Variants in INTS5 observed in about 807,000 individuals in gnomAD.
INTS5 encodes KIAA1698.
In INTS5, 29 loss-of-function variants were observed where a neutral mutation model predicts 60.0. That is an observed-to-expected ratio of 0.48 (90% CI 0.36 to 0.66). INTS5 has a LOEUF of 0.66. INTS5 is among the 30% of genes least tolerant of loss of function. The probability of loss-of-function intolerance (pLI) is 0.00; values close to 1 mark genes in which losing one functional copy is unlikely to be tolerated. For synonymous variants in INTS5, 588 were observed against 558.8 expected, an observed-to-expected ratio of 1.05 and a Z score of -0.74; for missense variants, 1,129 against 1,307.9, an observed-to-expected ratio of 0.86 and a Z score of 2.11.
In INTS5 at chr11:62,649,988, A is replaced by G; in HGVS notation, c.92T>C (p.Leu31Pro). Residue 31 changes from leucine to proline, a missense_variant, in exon 2 of 2, where the codon CTG becomes CCG. Coordinates refer to ENST00000330574, the MANE Select transcript of INTS5 (RefSeq NM_030628.2). This position sits in a 1 kb window ranked among gnomAD's most constrained non-coding sequence, Gnocchi z 6.0. ...CAGAAAAGCCTTGATTTCCTGGGAC[A>G]GCTCCTGAGCACTACAAGGAAGCAA... ...HGPAPLSAQELSQEIKAFLTG... is the reference protein window; with the variant it reads ...HGPAPLSAQEPSQEIKAFLTG... The G allele has an allele frequency of 6.2e-7, 1 of 1,613,892 alleles. No individual in the cohort carries two copies. The highest frequency in any genetic ancestry group is 1.1e-5 in the South Asian group (1 of 91,088).
Position 62,648,159 on chromosome 11 carries a change from G to C in INTS5, c.1921C>G (p.Pro641Ala). 1.9e-6 allele frequency: 3 copies of C among 1,613,350 alleles called. No homozygotes were observed. The South Asian group carries it at 3.3e-5, about 18-fold the overall frequency. ...ICPFPSEALS[P>A]SQLLGLVRAG... is the part of the protein sequence containing the mutation. ...CTTACCAGTCCCAGGAGCTGGGAGGGGGATAAGGCTTCAGAAGGAAAGGGA... is the reference window on the plus strand; with the variant it reads ...CTTACCAGTCCCAGGAGCTGGGAGGCGGATAAGGCTTCAGAAGGAAAGGGA... The change falls in exon 2 of 2, where the codon CCC (proline) becomes GCC (alanine). Residue 641 changes from proline (P) to alanine (A), a missense_variant. Pro to Ala is a conservative substitution (Grantham distance 27). Coordinates refer to ENST00000330574, the MANE Select transcript of INTS5 (RefSeq NM_030628.2). The surrounding 1 kb of genome is among the most constrained non-coding windows in gnomAD (Gnocchi z 4.4).
Position 62,649,671 on chromosome 11 carries a change from G to C in INTS5, c.409C>G (p.Pro137Ala). 6.2e-7 allele frequency: 1 copy of C among 1,614,198 alleles called. No individual in the cohort carries two copies. ...QVLSEFIRAN[P>A]KAWAPVISAW... ...CTAATCACAGGTGCCCAGGCCTTTG[G>C]GTTGGCCCGGATAAACTCAGACAGC... The change falls in exon 2 of 2, where the codon CCA (proline) becomes GCA (alanine). Residue 137 changes from proline to alanine, a missense_variant. Around this residue, in one of 3 missense-constraint regions of INTS5, gnomAD observed 1,070 missense variants for 1,246.1 expected, o/e 0.86. Coordinates refer to ENST00000330574, the MANE Select transcript of INTS5 (RefSeq NM_030628.2). The surrounding 1 kb of genome is among the most constrained non-coding windows in gnomAD (Gnocchi z 6.0).
At chr11:62,652,126 C>T (rs1332973260) in intron 1 of INTS5, among the ~76,000 whole-genome samples, 3 of 150,510 alleles carry the variant, frequency 2.0e-5, no homozygotes, top group Non-Finnish European at 4.4e-5. Flanking sequence ...TCGAAACCAG[C>T]CTGGCCAACA....
rs138916798 is a variant in INTS5, at chr11:62,649,743, C to T, written c.337G>A (p.Ala113Thr). 9 of 1,614,086 alleles carry T rather than the reference C, an allele frequency of 5.6e-6. No homozygotes were observed. Among genetic ancestry groups the T allele is most frequent in the African/African-American group, 1.3e-5 (1 of 74,924 alleles). Residue 113 changes from alanine to threonine, a missense_variant, in exon 2 of 2, where the codon GCT (alanine) becomes ACT (threonine). Coordinates refer to ENST00000330574, the MANE Select transcript of INTS5 (RefSeq NM_030628.2). The surrounding 1 kb of genome is among the most constrained non-coding windows in gnomAD (Gnocchi z 6.0). ...ACATCCTCTAGACCAGGTCCACCAGCAGGGACATGAGAGGGTGGAGGTGGA... is the reference window on the plus strand; with the variant it reads ...ACATCCTCTAGACCAGGTCCACCAGTAGGGACATGAGAGGGTGGAGGTGGA... ...LRPPPPSHVP[A>T]GGPGLEDVVQ...
chr11:62,650,263 C>G (rs1944583408), intron 1 of INTS5, among the ~76,000 whole-genome samples: 1 of 148,560 alleles, frequency 6.7e-6, no homozygotes, highest in Non-Finnish European at 1.5e-5. Flanking sequence ...ACTACAGGCA[C>G]CCGCCACCAT....
In INTS5 at chr11:62,646,936, G is replaced by C; in HGVS notation, c.*84C>G. On this transcript the variant is annotated 3_prime_UTR_variant, in exon 2 of 2. Transcript: ENST00000330574. ...CGCTCTTTAGACCAAGGACTTAGAA[G>C]AGAAACCTCCACCCTTCCGGAGCAC... The C allele has an allele frequency of 8.6e-7, 1 of 1,159,056 alleles. No individual in the cohort carries two copies. Among genetic ancestry groups the C allele is most frequent in the Admixed American group, 2.3e-5 (1 of 43,136 alleles). 71.8% of individuals were successfully genotyped at this position (1,159,056 alleles called of 1,614,324 possible). A position where few individuals can be genotyped will look rare whatever the true frequency, so the allele number is the denominator to read the frequency against.
At position 62,648,516 on chromosome 11, in the gene INTS5, G is replaced by A. The variant is rs370824023; in HGVS notation, c.1564C>T (p.Leu522=). Residue 522 remains leucine (L), a synonymous_variant, in exon 2 of 2, where the codon CTG becomes TTG. Transcript: ENST00000330574. The surrounding 1 kb of genome is among the most constrained non-coding windows in gnomAD (Gnocchi z 4.4). The part of the protein sequence containing the change: ...PSCGPEALGH[L]LSRARSPEEL... ...TCAGGGCTTCGGGCTCGGCTCAGCA[G>A]ATGGCCCAAGGCCTCAGGTCCACAG... The A allele has an allele frequency of 3.3e-4, 526 of 1,614,224 alleles. 4 individuals carry two copies. The South Asian group carries it at 4.0e-3, about 12-fold the overall frequency.
Position 62,648,456 on chromosome 11 carries a change from G to A in INTS5, c.1624C>T (p.Leu542=), listed in dbSNP as rs754077960. The A allele has an allele frequency of 6.8e-6, 11 of 1,614,182 alleles. No individual in the cohort carries two copies. The highest frequency in any genetic ancestry group is 3.3e-4 in the Middle Eastern group (2 of 6,062). Residue 542 remains leucine, a synonymous_variant, in exon 2 of 2, where the codon CTA becomes TTA. Coordinates refer to ENST00000330574, the MANE Select transcript of INTS5 (RefSeq NM_030628.2). The surrounding 1 kb of genome is among the most constrained non-coding windows in gnomAD (Gnocchi z 4.4). ...LSLATQLYAG[L]VVSLSGLLPL... is the part of the protein sequence containing the mutation. ...AGGAGGCCAGAGAGGCTGACCACTAGCCCTGCATATAACTGGGTGGCCAAA... is the reference window on the plus strand; with the variant it reads ...AGGAGGCCAGAGAGGCTGACCACTAACCCTGCATATAACTGGGTGGCCAAA...
In INTS5 at chr11:62,649,604, T is replaced by G; in HGVS notation, c.476A>C (p.Tyr159Ser). The change falls in exon 2 of 2, where the codon TAC becomes TCC. Residue 159 changes from tyrosine to serine, a missense_variant. Coordinates refer to ENST00000330574, the MANE Select transcript of INTS5 (RefSeq NM_030628.2). This position sits in a 1 kb window ranked among gnomAD's most constrained non-coding sequence, Gnocchi z 6.0. Reference protein sequence around the residue: ...IDLMGQLSSTYSGQHQRVPHA... With the variant: ...IDLMGQLSSTSSGQHQRVPHA... Reference sequence around the variant, plus strand: ...GGGAACACGCTGGTGCTGGCCTGAGTACGTGCTGCTCAGTTGCCCCATGAG... The same window carrying G: ...GGGAACACGCTGGTGCTGGCCTGAGGACGTGCTGCTCAGTTGCCCCATGAG... 1.2e-6 allele frequency: 2 copies of G among 1,614,088 alleles called. No individual in the cohort carries two copies. The highest frequency in any genetic ancestry group is 1.7e-6 in the Non-Finnish European group (2 of 1,180,008).
At position 62,648,136 on chromosome 11, in the gene INTS5, T is replaced by TA; in HGVS notation, c.1943dup (p.Arg649LysfsTer46). On this transcript the variant is annotated frameshift_variant, in exon 2 of 2. Transcript: ENST00000330574. LOFTEE classifies it high-confidence loss of function. The surrounding 1 kb of genome is among the most constrained non-coding windows in gnomAD (Gnocchi z 4.4). ...CAAAGAAGCGGTGCACCCCAGCCCTTACCAGTCCCAGGAGCTGGGAGGGGG... is the reference window on the plus strand; with the variant it reads ...CAAAGAAGCGGTGCACCCCAGCCCTTAACCAGTCCCAGGAGCTGGGAGGGGG... The TA allele has an allele frequency of 1.2e-6, 2 of 1,613,654 alleles. No homozygotes were observed. The highest frequency in any genetic ancestry group is 1.7e-6 in the Non-Finnish European group (2 of 1,179,644).
Position 62,647,709 on chromosome 11 carries a change from C to T in INTS5, c.2371G>A (p.Gly791Arg). Residue 791 changes from glycine (G) to arginine (R), a missense_variant, in exon 2 of 2, where the codon GGG becomes AGG. Physicochemically the swap from Gly to Arg is moderately radical, Grantham distance 125. This residue lies in a region of INTS5 where 1,070 missense variants were observed against 1,246.1 expected (regional missense o/e 0.86). Transcript: ENST00000330574. The stretch of plus-strand genomic sequence containing the variant: ...CAGCATTCCCCACATTCAGTGCCCC[C>T]TGGGGCACTGCAGCAGTGAACCAGG... ...SLLVHCCSAP[G>R]GTECGECWGA... The T allele has an allele frequency of 6.2e-7, 1 of 1,614,010 alleles. No individual in the cohort carries two copies. The highest frequency in any genetic ancestry group is 8.5e-7 in the Non-Finnish European group (1 of 1,179,888).
chr11:62,651,541 G>A (rs374099253), intron 1 of INTS5, among the ~76,000 whole-genome samples: 8 of 152,224 alleles, frequency 5.3e-5, no homozygotes, highest in African/African-American at 1.7e-4. Context: ...CAATAAGTTA[G>A]GTACTATTAT....
chr11:62,653,246 A>C lies in INTS5; in HGVS notation c.4T>G (p.Ser2Ala). 1 of 1,243,534 alleles carries C rather than the reference A, an allele frequency of 8.0e-7. No individual in the cohort carries two copies. The highest frequency in any genetic ancestry group is 1.5e-5 in the African/African-American group (1 of 64,532). 77.0% of individuals were successfully genotyped at this position (1,243,534 alleles called of 1,614,324 possible). Residue 2 changes from serine to alanine, a missense_variant, in exon 1 of 2, where the codon TCC becomes GCC. By Grantham distance (99) the Ser-to-Ala change is moderately conservative. This residue lies in a region of INTS5 where 54 missense variants were observed against 43.1 expected (regional missense o/e 1.25). Transcript: ENST00000330574. ...GCCCCGGGAGGGTCGCACAGCGCGG[A>C]CATCCCGGAGCCCGAGCCGAGCCCG... MSALCDPPGAPG... is the reference protein window; with the variant it reads MAALCDPPGAPG...
At position 62,653,254 on chromosome 11, in the gene INTS5, G is replaced by C. The variant is rs1490796425; in HGVS notation, c.-5C>G. ...AGGGTCGCACAGCGCGGACATCCCG[G>C]AGCCCGAGCCGAGCCCGAGGCGCGA... On this transcript the variant is annotated 5_prime_UTR_variant, in exon 1 of 2. Coordinates refer to ENST00000330574, the MANE Select transcript of INTS5 (RefSeq NM_030628.2). The C allele has an allele frequency of 1.6e-6, 2 of 1,242,222 alleles. No homozygotes were observed. The highest frequency in any genetic ancestry group is 2.9e-4 in the Middle Eastern group (1 of 3,500). 76.9% of individuals were successfully genotyped at this position (1,242,222 alleles called of 1,614,324 possible).
Position 62,646,904 on chromosome 11 carries a change from G to A in INTS5, c.*116C>T, listed in dbSNP as rs780595139. 3.2e-6 allele frequency: 3 copies of A among 944,372 alleles called. No homozygotes were observed. The highest frequency in any genetic ancestry group is 4.8e-6 in the Non-Finnish European group (3 of 630,132). 58.5% of individuals were successfully genotyped at this position (944,372 alleles called of 1,614,324 possible). Reference sequence around the variant, plus strand: ...AAAAAAAAAAGTGGGAGAGAAAAAAGTGACAGCGCTCTTTAGACCAAGGAC... The same window carrying A: ...AAAAAAAAAAGTGGGAGAGAAAAAAATGACAGCGCTCTTTAGACCAAGGAC... On this transcript the variant is annotated 3_prime_UTR_variant, in exon 2 of 2. Transcript: ENST00000330574.
In INTS5 at chr11:62,648,862, C is replaced by T. The variant is rs777428024; in HGVS notation, c.1218G>A (p.Leu406=). ...TAGCTGTGTCCACCAGGAACTGCAG[C>T]AAGCGGTAGGCACCTGCCCCAGAGG... The part of the protein sequence containing the change: ...SQASGAGAYR[L]LQFLVDTAMP... The change falls in exon 2 of 2, where the codon TTG becomes TTA. Residue 406 remains leucine (L), a synonymous_variant. Coordinates refer to ENST00000330574, the MANE Select transcript of INTS5 (RefSeq NM_030628.2). This position sits in a 1 kb window ranked among gnomAD's most constrained non-coding sequence, Gnocchi z 4.4. 5.6e-6 allele frequency: 9 copies of T among 1,613,956 alleles called. No individual in the cohort carries two copies. Among genetic ancestry groups the T allele is most frequent in the Non-Finnish European group, 7.6e-6 (9 of 1,180,036 alleles).
intron 1 of INTS5, among the ~76,000 whole-genome samples, chr11:62,652,459 C>G (rs185617212): frequency 1.3e-5 from 2 of 150,640 alleles, no homozygotes; most frequent in East Asian, 4.0e-4. Context: ...TAAGGGCTCT[C>G]CCTCCTAACA....
chr11:62,649,645 A>T lies in INTS5; in HGVS notation c.435T>A (p.Ser145Arg), dbSNP rs1420288288. The T allele has an allele frequency of 6.2e-7, 1 of 1,614,098 alleles. No individual in the cohort carries two copies. Among genetic ancestry groups the T allele is most frequent in the Non-Finnish European group, 8.5e-7 (1 of 1,180,044 alleles). Residue 145 changes from serine (S) to arginine (R), a missense_variant, in exon 2 of 2, where the codon AGT (serine) becomes AGA (arginine). Coordinates refer to ENST00000330574, the MANE Select transcript of INTS5 (RefSeq NM_030628.2). The surrounding 1 kb of genome is among the most constrained non-coding windows in gnomAD (Gnocchi z 6.0). Reference protein sequence around the residue: ...ANPKAWAPVISAWSIDLMGQL... With the variant: ...ANPKAWAPVIRAWSIDLMGQL... ...GCCCCATGAGGTCAATGGACCATGCACTAATCACAGGTGCCCAGGCCTTTG... is the reference window on the plus strand; with the variant it reads ...GCCCCATGAGGTCAATGGACCATGCTCTAATCACAGGTGCCCAGGCCTTTG...
rs111683552 is a variant in INTS5 at position 62,648,273 on chromosome 11, C to T, written c.1807G>A (p.Ala603Thr). 5.6e-6 allele frequency: 9 copies of T among 1,613,696 alleles called. No homozygotes were observed. Among genetic ancestry groups the T allele is most frequent in the Non-Finnish European group, 7.6e-6 (9 of 1,180,038 alleles). Residue 603 changes from alanine (A) to threonine (T), a missense_variant, in exon 2 of 2, where the codon GCC becomes ACC. Transcript: ENST00000330574. This position sits in a 1 kb window ranked among gnomAD's most constrained non-coding sequence, Gnocchi z 4.4. ...AALGAHFGES[A>T]SAHLSDLAPL... ...GCCAGGTCAGACAGATGGGCTGAGG[C>T]AGATTCCCCAAAGTGCGCCCCTAGG...
Sources: allele counts gnomAD v4.1 joint callset (sites outside exome capture counted in the v4.1 genomes callset), GRCh38; gene constraint gnomAD v4.1.1; regional missense constraint gnomAD v4.1.1; non-coding constraint Gnocchi (gnomAD v3.1); transcripts MANE v1.5; gene names NCBI Gene and HGNC (gene_info 2026-07-23, HGNC 2026-07-21).